UNC45B: variants seen among roughly 807,000 people sequenced by gnomAD.
UNC45B encodes unc-45 myosin chaperone B.
A neutral mutation model predicts 98.7 loss-of-function variants in UNC45B; 78 were observed. The ratio of observed to expected loss-of-function variants is 0.79; its 90% CI spans 0.66 to 0.95. The LOEUF is 0.95. Ranked by LOEUF, UNC45B falls within the 40% of genes least tolerant of loss-of-function variation. The pLI is 0.00. For synonymous variants in UNC45B, 462 were observed against 480.4 expected (o/e 0.96, Z 0.50); for missense variants, 1,225 against 1,184.9 (o/e 1.03, Z -0.50).
At chr17:35,176,154 T>C in intron 15 of UNC45B, 120 bp downstream of exon 15, 3 of 976,738 alleles carry the variant, frequency 3.1e-6, no homozygotes, top group Non-Finnish European at 4.8e-6. Context: ...TTATCTGCGC[T>C]GTCTGTGCTC....
At chr17:35,166,085 C>CAAAAAAAAAAAAAAAAAAAAAAAAAAA (rs1277152297) in intron 9 of UNC45B, among the ~76,000 whole-genome samples, 1 of 16,256 alleles carries the variant, frequency 6.2e-5, no homozygotes, top group Non-Finnish European at 1.0e-4. Flanking sequence ...ACCCTCATCT[C>CAAAAAAAAAAAAAAAAAAAAAAAAAAA]TAAAAAAAAA....
chr17:35,161,526 C>T (rs1056199680), intron 8 of UNC45B, among the ~76,000 whole-genome samples: 1 of 152,088 alleles, frequency 6.6e-6, no homozygotes, highest in African/African-American at 2.4e-5. Context: ...GCTTTTAGGA[C>T]CCAGGCTGGG....
In UNC45B at chr17:35,187,440, T is replaced by A. The variant is rs1287143181; in HGVS notation, c.*881T>A. The A allele has an allele frequency of 6.6e-6, 1 of 152,202 alleles. No homozygotes were observed. Among genetic ancestry groups the A allele is most frequent in the East Asian group, 1.9e-4 (1 of 5,200 alleles). The allele number at this position is 152,202 out of a possible 1,614,324, so 9.4% of individuals were successfully genotyped here. ...CCCCAGCAGCCCCAGGGTGACATAG[T>A]TGTTATAGTTCATTATGGAATAGAA... On this transcript the variant is annotated 3_prime_UTR_variant, in exon 20 of 20. Coordinates refer to ENST00000394570, the MANE Select transcript of UNC45B (RefSeq NM_001267052.2).
chr17:35,163,897 G>T, intron 8 of UNC45B, 98 bp from the exon 9 acceptor site: 2 of 1,329,562 alleles, frequency 1.5e-6, no homozygotes, highest in Non-Finnish European at 1.0e-6. Flanking sequence ...TACAGACAGG[G>T]CTGGAGAGAA....
At chr17:35,164,443 GC>G (rs1446711072) in intron 9 of UNC45B, 3 of 274,036 alleles carry the variant, frequency 1.1e-5, no homozygotes, top group African/African-American at 4.5e-5. Flanking sequence ...ACTGGTGCTG[GC>G]TGTTGGTGGG....
At chr17:35,183,335 C>T in intron 18 of UNC45B, 92 bp from the exon 19 acceptor site, 1 of 1,356,144 alleles carries the variant, frequency 7.4e-7, no homozygotes, top group Non-Finnish European at 9.6e-7. Context: ...TCTAAGAGAT[C>T]TTGGGTCAGA....
chr17:35,152,880 C>T lies in UNC45B; in HGVS notation c.382-13C>T, dbSNP rs796637618. 6.2e-7 allele frequency: 1 copy of T among 1,612,544 alleles called. No individual in the cohort carries two copies. The highest frequency in any genetic ancestry group is 1.3e-5 in the African/African-American group (1 of 75,024). ...CCACCTGCCTCCTTCCCCACTCCCT[C>T]CTCTCTCCTCAGCTCCGAGTGCAGT... is the stretch of plus-strand genomic sequence containing the variant. On this transcript the variant is annotated splice_polypyrimidine_tract_variant and intron_variant, in intron 4 of 19. Transcript: ENST00000394570.
At chr17:35,172,541 A>T (rs1461274369) in intron 13 of UNC45B, among the ~76,000 whole-genome samples, 2 of 152,174 alleles carry the variant, frequency 1.3e-5, no homozygotes, top group African/African-American at 4.8e-5. Flanking sequence ...GAGCCACCAC[A>T]CCTGGCCTCT....
At chr17:35,181,169 A>T (rs73989556) in intron 18 of UNC45B, among the ~76,000 whole-genome samples, 2,595 of 152,364 alleles carry the variant, frequency 0.017, 81 homozygotes, top group African/African-American at 0.059. Flanking sequence ...ATATAACTGT[A>T]CTCAGCACAG....
intron 8 of UNC45B, among the ~76,000 whole-genome samples, chr17:35,161,383 T>C (rs2092101347): frequency 6.6e-6 from 1 of 152,000 alleles, no homozygotes; most frequent in African/African-American, 2.4e-5. Flanking sequence ...AGCTTTTGGG[T>C]GAGAGAAGGG....
rs149375100 is a variant in UNC45B, at chr17:35,174,849, AAGAG to A, written c.1958+494_1958+497del. The stretch of plus-strand genomic sequence containing the variant: ...CAAAAGAGAAATAAAGAAAGAGAGA[AAGAG>A]AGAGAGAGAGAGAAAGGAAGGGATG... On this transcript the variant is annotated intron_variant, in intron 14 of 19. Coordinates refer to ENST00000394570, the MANE Select transcript of UNC45B (RefSeq NM_001267052.2). 2.8e-3 allele frequency among the ~76,000 whole-genome samples: 415 copies of A among 148,444 alleles called. 2 individuals carry two copies. Among genetic ancestry groups the A allele is most frequent in the Middle Eastern group, 6.9e-3 (2 of 288 alleles).
chr17:35,185,571 G>C (rs1360766945), intron 19 of UNC45B, among the ~76,000 whole-genome samples: 4 of 152,110 alleles, frequency 2.6e-5, no homozygotes, highest in Admixed American at 2.6e-4. Flanking sequence ...CTCCCAAAGT[G>C]CTGGGATTAC....
intron 18 of UNC45B, among the ~76,000 whole-genome samples, chr17:35,180,924 G>A (rs1192874698): frequency 2.0e-5 from 3 of 152,118 alleles, no homozygotes; most frequent in African/African-American, 7.2e-5. Flanking sequence ...TGGGCTAGAT[G>A]AGGTGGAAGG....
rs1428968519 is a variant in UNC45B, at chr17:35,168,144, T to C, written c.1235T>C (p.Leu412Pro). The change falls in exon 10 of 20, where the codon CTG becomes CCG. Residue 412 changes from leucine (L) to proline (P), a missense_variant. Leu to Pro is a moderately conservative substitution (Grantham distance 98). Coordinates refer to ENST00000394570, the MANE Select transcript of UNC45B (RefSeq NM_001267052.2). Reference protein sequence around the residue: ...VSGILQGPFDLGNQLLGLKGV... With the variant: ...VSGILQGPFDPGNQLLGLKGV... ...GGGATCCTGCAGGGCCCCTTTGACCTGGGCAACCAGCTGCTGGGACTGAAA... is the reference window on the plus strand; with the variant it reads ...GGGATCCTGCAGGGCCCCTTTGACCCGGGCAACCAGCTGCTGGGACTGAAA... 1 of 1,601,284 alleles carries C rather than the reference T, an allele frequency of 6.2e-7. No individual in the cohort carries two copies. Among genetic ancestry groups the C allele is most frequent in the South Asian group, 1.1e-5 (1 of 89,268 alleles).
At chr17:35,155,976 G>C (rs768558577) in intron 7 of UNC45B, among the ~76,000 whole-genome samples, 9 of 152,182 alleles carry the variant, frequency 5.9e-5, no homozygotes, top group Non-Finnish European at 1.2e-4. Context: ...GACTGGATGA[G>C]CAAAATATGG....
rs578211431 is a variant in UNC45B, at chr17:35,178,274, G to A, written c.2255+664G>A. Among the ~76,000 whole-genome samples, 3 of 152,292 alleles carry A rather than the reference G, an allele frequency of 2.0e-5. No individual in the cohort carries two copies. In the South Asian group the frequency reaches 6.2e-4, roughly 32 times the overall value. On this transcript the variant is annotated intron_variant, in intron 17 of 19. Coordinates refer to ENST00000394570, the MANE Select transcript of UNC45B (RefSeq NM_001267052.2). ...TGGTGTCTCATTGTGGTTTTGATTT[G>A]CATTTCTCTGATAACCAGTGATGAT...
chr17:35,176,003 G>A lies in UNC45B; in HGVS notation c.1994G>A (p.Arg665Gln), dbSNP rs781004522. The A allele has an allele frequency of 1.1e-5, 18 of 1,614,022 alleles. No homozygotes were observed. The highest frequency in any genetic ancestry group is 1.0e-4 in the Admixed American group (6 of 60,000). ...GCACTGTGTGACAACCCAAAGGACC[G>A]AGGCACCATTGTGGCTCAAGGTGGT... ...FLALCDNPKDRGTIVAQGGGK... is the reference protein window; with the variant it reads ...FLALCDNPKDQGTIVAQGGGK... The change falls in exon 15 of 20, where the codon CGA becomes CAA. Residue 665 changes from arginine (R) to glutamine (Q), a missense_variant. By Grantham distance (43) the Arg-to-Gln change is conservative (BLOSUM62 1). Coordinates refer to ENST00000394570, the MANE Select transcript of UNC45B (RefSeq NM_001267052.2).
chr17:35,164,081 T>G lies in UNC45B; in HGVS notation c.1066T>G (p.Ser356Ala). The G allele has an allele frequency of 1.9e-6, 3 of 1,614,120 alleles. No homozygotes were observed. Among genetic ancestry groups the G allele is most frequent in the Non-Finnish European group, 2.5e-6 (3 of 1,180,012 alleles). Residue 356 changes from serine (S) to alanine (A), a missense_variant, in exon 9 of 20, where the codon TCT (serine) becomes GCT (alanine). Physicochemically the swap from Ser to Ala is moderately conservative, Grantham distance 99 (BLOSUM62 1). Coordinates refer to ENST00000394570, the MANE Select transcript of UNC45B (RefSeq NM_001267052.2). Reference protein sequence around the residue: ...PLTDNTRMLASILINKLYDDL... With the variant: ...PLTDNTRMLAAILINKLYDDL... ...GACTGACAACACCCGCATGCTGGCC[T>G]CTATCCTCATCAACAAGCTCTATGA...
intron 10 of UNC45B, among the ~76,000 whole-genome samples, chr17:35,169,286 G>A (rs1049083056): frequency 1.3e-5 from 2 of 151,484 alleles, no homozygotes; most frequent in East Asian, 2.0e-4. Flanking sequence ...TGATCCACCC[G>A]CCTCGGCCTT....
Sources: gnomAD v4.1 joint callset for allele counts (sites outside exome capture counted in the v4.1 genomes callset) on GRCh38, gnomAD v4.1.1 for gene constraint, MANE v1.5 for transcripts, NCBI Gene and HGNC (gene_info 2026-07-23, HGNC 2026-07-21) for gene names.